Variants in PSG8 observed in about 807,000 individuals in gnomAD.
The protein encoded by PSG8 is pregnancy-specific beta-1-glycoprotein 8.
Under a neutral mutation model 42.5 loss-of-function variants are expected in PSG8, and 57 were observed. The observed-to-expected ratio is 1.34, with a 90% CI of 1.08 to 1.67. PSG8 has a LOEUF of 1.67. Ranked by LOEUF, PSG8 falls within the 40% of genes most tolerant of loss-of-function variation. The probability of loss-of-function intolerance (pLI) is 0.00; values close to 1 mark genes in which losing one functional copy is unlikely to be tolerated. For synonymous variants in PSG8, 280 were observed against 196.8 expected (o/e 1.42, Z -3.54); for missense variants, 783 against 518.6 (o/e 1.51, Z -4.95).
In PSG8 at chr19:42,764,051, C is replaced by G. The variant is rs780555542; in HGVS notation, c.295G>C (p.Glu99Gln). 10 of 1,613,784 alleles carry G rather than the reference C, an allele frequency of 6.2e-6. No homozygotes were observed. The South Asian group carries it at 6.6e-5, about 11-fold the overall frequency. Residue 99 changes from glutamate to glutamine, a missense_variant, in exon 2 of 5, where the codon GAA becomes CAA. Physicochemically the swap from Glu to Gln is conservative, Grantham distance 29 (BLOSUM62 2). Coordinates refer to ENST00000306511, the MANE Select transcript of PSG8 (RefSeq NM_182707.3). ...AGGGATGCATTGGAATATATTGTTT[C>G]TCGTCCACTGTATGCAGGCCCATAT... ...IIYGPAYSGR[E>Q]TIYSNASLLI... is the part of the protein sequence containing the mutation.
intron 2 of PSG8, among the ~76,000 whole-genome samples, chr19:42,762,776 A>G (rs754867906): frequency 3.9e-5 from 6 of 152,072 alleles, no homozygotes; most frequent in Admixed American, 2.6e-4. Flanking sequence ...GTTCTGGAGT[A>G]CAGACTAATC....
chr19:42,755,080 C>G lies in PSG8; in HGVS notation c.896G>C (p.Ser299Thr). 6.2e-7 allele frequency: 1 copy of G among 1,612,340 alleles called. No homozygotes were observed. Among genetic ancestry groups the G allele is most frequent in the Non-Finnish European group, 8.5e-7 (1 of 1,179,806 alleles). ...GGGTCCTGTTTCATTTCTCGTGACA[C>G]TGGGTAGAATGAGGATCCTGTTTTC... is the stretch of plus-strand genomic sequence containing the variant. ...PIENRILILPSVTRNETGPYQ... is the reference protein window; with the variant it reads ...PIENRILILPTVTRNETGPYQ... Residue 299 changes from serine (S) to threonine (T), a missense_variant, in exon 4 of 5, where the codon AGT becomes ACT. Ser to Thr is a moderately conservative substitution (Grantham distance 58, BLOSUM62 1). Coordinates refer to ENST00000306511, the MANE Select transcript of PSG8 (RefSeq NM_182707.3).
intron 2 of PSG8, among the ~76,000 whole-genome samples, chr19:42,763,186 G>A (rs571511980): frequency 1.3e-5 from 2 of 152,258 alleles, no homozygotes; most frequent in Admixed American, 6.5e-5. Context: ...ATCCCTGTGG[G>A]CAAGCTGCTA....
chr19:42,756,820 T>C (rs2122242621), intron 3 of PSG8, among the ~76,000 whole-genome samples: 1 of 152,088 alleles, frequency 6.6e-6, no homozygotes, highest in East Asian at 1.9e-4. Context: ...GTGGCAGTCA[T>C]TAATAAGAGC....
Position 42,758,466 on chromosome 19 carries a change from G to T in PSG8, c.431-186C>A, listed in dbSNP as rs1250780336. 6 of 1,271,172 alleles carry T rather than the reference G, an allele frequency of 4.7e-6. No homozygotes were observed. The Admixed American group carries it at 1.6e-4, about 34-fold the overall frequency. 78.7% of individuals were successfully genotyped at this position (1,271,172 alleles called of 1,614,324 possible). On this transcript the variant is annotated intron_variant, in intron 2 of 4. Transcript: ENST00000306511. ...GGGCTCAGAGGTTGTGAGGCTGCCT[G>T]CTTCATGTAGAAACACAGACTTTCT...
chr19:42,763,979 G>C lies in PSG8; in HGVS notation c.367C>G (p.His123Asp). 6.2e-7 allele frequency: 1 copy of C among 1,611,442 alleles called. No homozygotes were observed. The highest frequency in any genetic ancestry group is 1.1e-5 in the South Asian group (1 of 90,998). The change falls in exon 2 of 5, where the codon CAC (histidine) becomes GAC (aspartate). Residue 123 changes from histidine to aspartate, a missense_variant. By Grantham distance (81) the His-to-Asp change is moderately conservative (BLOSUM62 -1). Coordinates refer to ENST00000306511, the MANE Select transcript of PSG8 (RefSeq NM_182707.3). ...TQEDAGSYTLHIIMGGDENRG... is the reference protein window; with the variant it reads ...TQEDAGSYTLDIIMGGDENRG... ...TTCTCATCACCTCCCATTATGATGT[G>C]TAAGGTGTAGGATCCTGCGTCTTCC...
chr19:42,759,131 A>T (rs1186204645), intron 2 of PSG8, among the ~76,000 whole-genome samples: 4 of 152,048 alleles, frequency 2.6e-5, no homozygotes, highest in Non-Finnish European at 2.9e-5. Flanking sequence ...TGAACAGATG[A>T]TGGAAGTCTG....
intron 3 of PSG8, chr19:42,756,116 T>A (rs1312906687): frequency 2.0e-5 from 3 of 152,206 alleles, no homozygotes; most frequent in Non-Finnish European, 4.4e-5. Context: ...GTGGGAAGGA[T>A]CTGCTGGAAA....
At chr19:42,758,860 G>T (rs1270760336) in intron 2 of PSG8, 1 of 159,288 alleles carries the variant, frequency 6.3e-6, no homozygotes, top group Non-Finnish European at 1.4e-5. Context: ...GAGCCACAAG[G>T]TGGCGCAGTT....
At chr19:42,753,150 C>T (rs1411878937), downstream of PSG8, 4 of 697,452 alleles carry the variant, frequency 5.7e-6, no homozygotes, top group African/African-American at 5.3e-5. Context: ...AAGTCATCCA[C>T]TTGTTGTCCT....
intron 2 of PSG8, 136 bp downstream of exon 2, chr19:42,763,780 A>C (rs1970136160): frequency 6.6e-7 from 1 of 1,512,842 alleles, no homozygotes. Context: ...TGTGTCCTGC[A>C]CTAAATGCCC....
At position 42,765,671 on chromosome 19, in the gene PSG8, C is replaced by T; in HGVS notation, c.-90G>A. The T allele has an allele frequency of 5.2e-6, 8 of 1,541,900 alleles. No individual in the cohort carries two copies. The South Asian group carries it at 6.9e-5, about 13-fold the overall frequency. ...ACAGCTCTCAGCAGTGCTGTCCTGC[C>T]TCCTTCTGCGCTGAGCTTCTTCCCG... is the stretch of plus-strand genomic sequence containing the variant. On this transcript the variant is annotated 5_prime_UTR_variant, in exon 1 of 5. Transcript: ENST00000306511.
chr19:42,754,446 T>A lies in PSG8; in HGVS notation c.1130A>T (p.Gln377Leu). The A allele has an allele frequency of 1.9e-6, 3 of 1,613,920 alleles. No individual in the cohort carries two copies. Among genetic ancestry groups the A allele is most frequent in the Non-Finnish European group, 2.5e-6 (3 of 1,179,852 alleles). Residue 377 changes from glutamine to leucine, a missense_variant, in exon 5 of 5, where the codon CAA becomes CTA. Physicochemically the swap from Gln to Leu is moderately radical, Grantham distance 113. Coordinates refer to ENST00000306511, the MANE Select transcript of PSG8 (RefSeq NM_182707.3). ...TINGKFQLSG[Q>L]KLFIPQITTK... ...AGTAATTTGGGGGATAAAGAGCTTT[T>A]GTCCTGATAGCTGAAACTTCCCATT...
downstream of PSG8, chr19:42,753,223 A>G: frequency 2.6e-6 from 2 of 774,210 alleles, no homozygotes; most frequent in Admixed American, 1.7e-5. Flanking sequence ...TGAGTGGCTC[A>G]CCCTTCAGGT....
intron 2 of PSG8, among the ~76,000 whole-genome samples, chr19:42,759,784 G>T (rs189067322): frequency 6.6e-6 from 1 of 152,086 alleles, no homozygotes; most frequent in Non-Finnish European, 1.5e-5. Flanking sequence ...TTTACTGATG[G>T]TCCAAACATC....
chr19:42,757,154 A>T (rs1969947348), intron 3 of PSG8, among the ~76,000 whole-genome samples: 1 of 152,072 alleles, frequency 6.6e-6, no homozygotes, highest in Non-Finnish European at 1.5e-5. Context: ...GTTAGTGTAT[A>T]GTCTAAAGAA....
rs778192434 is a variant in PSG8 at position 42,755,158 on chromosome 19, C to G, written c.818G>C (p.Trp273Ser). 6.2e-6 allele frequency: 10 copies of G among 1,611,740 alleles called. No homozygotes were observed. Among genetic ancestry groups the G allele is most frequent in the South Asian group, 1.1e-5 (1 of 90,980 alleles). Residue 273 changes from tryptophan to serine, a missense_variant, in exon 4 of 5, where the codon TGG becomes TCG. Transcript: ENST00000306511. ...CGGGAGGCTCTGACCATTTAGCCAC[C>G]AAATGTAGGTGTAGTTCTCACTCTT... ...EPKSENYTYI[W>S]WLNGQSLPVS... is the part of the protein sequence containing the mutation.
rs761730096 is a variant in PSG8, at chr19:42,754,627, A to G, written c.989-40T>C. On this transcript the variant is annotated intron_variant, in intron 4 of 4. Coordinates refer to ENST00000306511, the MANE Select transcript of PSG8 (RefSeq NM_182707.3). The stretch of plus-strand genomic sequence containing the variant: ...ATAAAGCCACAGGTGATGTCATCTG[A>G]GGGAAGGGGATGTTCCTGGTCTCTT... The G allele has an allele frequency of 7.6e-6, 12 of 1,586,992 alleles. No individual in the cohort carries two copies. In the African/African-American group the frequency reaches 1.3e-4, roughly 18 times the overall value.
chr19:42,758,006 G>T lies in PSG8; in HGVS notation c.705C>A (p.Leu235=). The change falls in exon 3 of 5, where the codon CTC becomes CTA. Residue 235 remains leucine, a synonymous_variant. Coordinates refer to ENST00000306511, the MANE Select transcript of PSG8 (RefSeq NM_182707.3). Reference sequence around the variant, plus strand: ...AGAGGAACAGAAAATACTCACGGAGGAGATTCAGGGTGAATGGGTCACTGC... The same window carrying T: ...AGAGGAACAGAAAATACTCACGGAGTAGATTCAGGGTGAATGGGTCACTGC... ...ASRSDPFTLN[L]LPKLPKPYIT... is the part of the protein sequence containing the mutation. The T allele has an allele frequency of 6.2e-7, 1 of 1,614,028 alleles. No individual in the cohort carries two copies. The highest frequency in any genetic ancestry group is 1.3e-5 in the African/African-American group (1 of 75,028).
Sources: gnomAD v4.1 joint callset for allele counts (sites outside exome capture counted in the v4.1 genomes callset) on GRCh38, gnomAD v4.1.1 for gene constraint, MANE v1.5 for transcripts, NCBI Gene and HGNC (gene_info 2026-07-23, HGNC 2026-07-21) for gene names.